TYR: variants seen among roughly 807,000 people sequenced by gnomAD.
The protein encoded by TYR is tyrosinase.
In TYR, 58 loss-of-function variants were observed where a neutral mutation model predicts 51.5. The observed-to-expected ratio is 1.13, with a 90% confidence interval of 0.91 to 1.40. The LOEUF is 1.40. Ranked by LOEUF, TYR falls within the 40% of genes most tolerant of loss-of-function variation. TYR has a pLI of 0.00. For missense variants in TYR, 732 were observed against 647.4 expected, an observed-to-expected ratio of 1.13 and a Z score of -1.42; for synonymous variants, 263 against 235.2, an observed-to-expected ratio of 1.12 and a Z score of -1.08.
At chr11:89,263,821 T>C (rs1390594242) in intron 3 of TYR, among the ~76,000 whole-genome samples, 2 of 151,966 alleles carry the variant, frequency 1.3e-5, no homozygotes, top group Non-Finnish European at 1.5e-5. Context: ...TAAAACACTA[T>C]TGAAAGAAAT....
At chr11:89,190,165 G>T (rs371828403) in intron 1 of TYR, among the ~76,000 whole-genome samples, 1 of 151,906 alleles carries the variant, frequency 6.6e-6, no homozygotes, top group Admixed American at 6.6e-5. Flanking sequence ...CATTATTTTC[G>T]AATGTACTTC....
chr11:89,272,558 A>G (rs970647830), intron 3 of TYR, among the ~76,000 whole-genome samples: 21 of 151,982 alleles, frequency 1.4e-4, no homozygotes, highest in Middle Eastern at 6.8e-3. Context: ...AATGGCTTCA[A>G]CTGAATAAGC....
chr11:89,273,284 A>T (rs1944612215), intron 3 of TYR, among the ~76,000 whole-genome samples: 1 of 151,820 alleles, frequency 6.6e-6, no homozygotes, highest in Non-Finnish European at 1.5e-5. Flanking sequence ...TTTATAGGCC[A>T]TTGTAGGGTT....
At chr11:89,215,270 A>G (rs1439160776) in intron 2 of TYR, among the ~76,000 whole-genome samples, 2 of 151,828 alleles carry the variant, frequency 1.3e-5, no homozygotes, top group Admixed American at 6.6e-5. Context: ...TCTCAGCAAA[A>G]TATCACAAGG....
chr11:89,289,425 C>A (rs1277898675), intron 4 of TYR, among the ~76,000 whole-genome samples: 1 of 151,964 alleles, frequency 6.6e-6, no homozygotes, highest in African/African-American at 2.4e-5. Flanking sequence ...GAGTCTAATT[C>A]ATTCTTTTAC....
At chr11:89,185,822 A>T (rs1943364674) in intron 1 of TYR, among the ~76,000 whole-genome samples, 1 of 152,140 alleles carries the variant, frequency 6.6e-6, no homozygotes, top group Admixed American at 6.6e-5. Flanking sequence ...TAAGAAAAAT[A>T]AAAAAATATA....
intron 3 of TYR, among the ~76,000 whole-genome samples, chr11:89,240,807 GC>G (rs1487641677): frequency 1.3e-5 from 2 of 152,080 alleles, no homozygotes; most frequent in Admixed American, 1.3e-4. Context: ...GCTTAATCAT[GC>G]TTTTAGTTAT....
intron 2 of TYR, among the ~76,000 whole-genome samples, chr11:89,201,874 A>T (rs1943602770): frequency 6.6e-6 from 1 of 152,180 alleles, no homozygotes; most frequent in African/African-American, 2.4e-5. Context: ...ATCTGGGAAG[A>T]CCTTATTAAT....
intron 3 of TYR, among the ~76,000 whole-genome samples, chr11:89,234,390 A>G (rs1241618940): frequency 7.0e-6 from 1 of 143,308 alleles, no homozygotes; most frequent in Non-Finnish European, 1.5e-5. Context: ...TTTCTTTCTT[A>G]TTGTGTGTGT....
chr11:89,280,976 C>G (rs916177515), intron 3 of TYR, among the ~76,000 whole-genome samples: 1 of 151,700 alleles, frequency 6.6e-6, no homozygotes, highest in Admixed American at 6.6e-5. Flanking sequence ...TATTTCAGCT[C>G]TTTTAGCTGT....
At chr11:89,182,817 T>C (rs996410931) in intron 1 of TYR, among the ~76,000 whole-genome samples, 4 of 151,912 alleles carry the variant, frequency 2.6e-5, no homozygotes, top group African/African-American at 9.7e-5. Flanking sequence ...ATCAGCTAGC[T>C]ACAAAAATAA....
chr11:89,254,836 T>C (rs1944370862), intron 3 of TYR, among the ~76,000 whole-genome samples: 1 of 151,816 alleles, frequency 6.6e-6, no homozygotes, highest in Non-Finnish European at 1.5e-5. Context: ...CCTGCTGTGA[T>C]ATTGGTTATT....
At chr11:89,190,648 A>G (rs1471316566) in intron 1 of TYR, among the ~76,000 whole-genome samples, 1 of 152,122 alleles carries the variant, frequency 6.6e-6, no homozygotes, top group Non-Finnish European at 1.5e-5. Context: ...CGATATATAT[A>G]TAGTGTTTAT....
At chr11:89,218,849 C>A (rs916665907) in intron 2 of TYR, among the ~76,000 whole-genome samples, 1 of 152,154 alleles carries the variant, frequency 6.6e-6, no homozygotes, top group Non-Finnish European at 1.5e-5. Context: ...GAGATCATGT[C>A]CTCAAGTGTT....
At chr11:89,240,900 A>T (rs1192277249) in intron 3 of TYR, among the ~76,000 whole-genome samples, 1 of 152,208 alleles carries the variant, frequency 6.6e-6, no homozygotes, top group Admixed American at 6.6e-5. Flanking sequence ...AAGGTTTGAC[A>T]AGGGACTCTA....
chr11:89,263,109 CAAA>C (rs1944482527), intron 3 of TYR, among the ~76,000 whole-genome samples: 1 of 151,474 alleles, frequency 6.6e-6, no homozygotes, highest in East Asian at 1.9e-4. Flanking sequence ...AAATTCTAAG[CAAA>C]ATACTGAAAA....
intron 3 of TYR, among the ~76,000 whole-genome samples, chr11:89,233,797 C>T (rs934533877): frequency 7.0e-6 from 1 of 142,690 alleles, no homozygotes; most frequent in Non-Finnish European, 1.5e-5. Context: ...ATGCTGTAAA[C>T]GGATATGCTA....
intron 3 of TYR, among the ~76,000 whole-genome samples, chr11:89,271,296 T>C (rs1944585986): frequency 6.6e-6 from 1 of 151,858 alleles, no homozygotes; most frequent in African/African-American, 2.4e-5. Flanking sequence ...AACTCTAAGA[T>C]ATGGAAGGTT....
chr11:89,266,279 C>T (rs1944525157), intron 3 of TYR, among the ~76,000 whole-genome samples: 1 of 151,916 alleles, frequency 6.6e-6, no homozygotes, highest in African/African-American at 2.4e-5. Context: ...TAATTGTAAA[C>T]CATAAATACT....
Sources: gnomAD v4.1 joint callset for allele counts (sites outside exome capture counted in the v4.1 genomes callset) on GRCh38, gnomAD v4.1.1 for gene constraint, MANE v1.5 for transcripts, NCBI Gene and HGNC (gene_info 2026-07-23, HGNC 2026-07-21) for gene names.